Variants in SMAD4 observed in about 807,000 individuals in gnomAD.
SMAD4 encodes MAD homolog 4.
SMAD4 carries 7 observed loss-of-function variants against 63.2 expected under a neutral mutation model. That is an observed-to-expected ratio of 0.11 (90% CI 0.06 to 0.21). The LOEUF (loss-of-function observed/expected upper bound fraction) is 0.21. Among genes scored for constraint, SMAD4 ranks in the 10% least tolerant of loss-of-function variants. SMAD4 has a pLI of 1.00. For synonymous variants in SMAD4, 215 were observed against 235.4 expected, an observed-to-expected ratio of 0.91 and a Z score of 0.79; for missense variants, 312 against 693.8, an observed-to-expected ratio of 0.45 and a Z score of 6.18.
chr18:51,072,296 G>C (rs1443608713), intron 10 of SMAD4, among the ~76,000 whole-genome samples: 1 of 152,060 alleles, frequency 6.6e-6, no homozygotes, highest in Non-Finnish European at 1.5e-5. Flanking sequence ...TAGTAGGTGT[G>C]AAGTATAATC....
intron 1 of SMAD4, among the ~76,000 whole-genome samples, chr18:51,036,482 A>G (rs78801230): frequency 6.6e-6 from 1 of 152,226 alleles, no homozygotes; most frequent in South Asian, 2.1e-4. Flanking sequence ...AAGCTAAGCC[A>G]GGAATCATTG....
chr18:51,063,358 T>A (rs1184516656), intron 8 of SMAD4, among the ~76,000 whole-genome samples: 1 of 152,120 alleles, frequency 6.6e-6, no homozygotes, highest in African/African-American at 2.4e-5. Context: ...TGAAGCTTCT[T>A]GTCCATAGCA....
rs386387676 is a variant in SMAD4, at chr18:51,058,485, A to ATTTT, written c.904+42_904+45dup. The ATTTT allele has an allele frequency of 1.3e-3, 1,474 of 1,093,424 alleles. 4 individuals carry two copies. The highest frequency in any genetic ancestry group is 2.6e-3 in the South Asian group (186 of 71,130). 67.7% of individuals were successfully genotyped at this position (1,093,424 alleles called of 1,614,324 possible). ...AGCTCTTGTTTTTGTTGTAAGGGCT[A>ATTTT]TTTTTTTTTTTTTTTTGGTAGGGCT... On this transcript the variant is annotated intron_variant, in intron 7 of 11. Coordinates refer to ENST00000342988, the MANE Select transcript of SMAD4 (RefSeq NM_005359.6).
intron 7 of SMAD4, among the ~76,000 whole-genome samples, chr18:51,058,663 C>A (rs1909912500): frequency 6.6e-6 from 1 of 152,070 alleles, no homozygotes; most frequent in African/African-American, 2.4e-5. Context: ...TTGCTAAATA[C>A]ATTTATTTCT....
At position 51,084,107 on chromosome 18, in the gene SMAD4, C is replaced by T. The variant is rs536422982; in HGVS notation, c.*5640C>T. The T allele has an allele frequency of 4.3e-4, 100 of 232,138 alleles. No homozygotes were observed. Among genetic ancestry groups the T allele is most frequent in the African/African-American group, 2.1e-3 (93 of 45,298 alleles). 14.4% of individuals were successfully genotyped at this position (232,138 alleles called of 1,614,324 possible). ...CTTTTGAATTGCGTGCACACACACACGCACGCACACACTCTGGTCAGAGTT... is the reference window on the plus strand; with the variant it reads ...CTTTTGAATTGCGTGCACACACACATGCACGCACACACTCTGGTCAGAGTT... On this transcript the variant is annotated 3_prime_UTR_variant, in exon 12 of 12. Transcript: ENST00000342988.
rs1044193883 is a variant in SMAD4 at position 51,079,858 on chromosome 18, T to C, written c.*1391T>C. The C allele has an allele frequency of 1.3e-5, 3 of 232,556 alleles. No homozygotes were observed. The highest frequency in any genetic ancestry group is 6.6e-5 in the African/African-American group (3 of 45,328). The allele number at this position is 232,556 out of a possible 1,614,324, so 14.4% of individuals were successfully genotyped here. ...AGTCCAATCTCAGTGATGAGGTACC[T>C]TCTACTAAATGACAGGCAACAGCCA... On this transcript the variant is annotated 3_prime_UTR_variant, in exon 12 of 12. Transcript: ENST00000342988.
intron 4 of SMAD4, chr18:51,053,073 A>G (rs944721680): frequency 6.6e-6 from 1 of 152,280 alleles, no homozygotes; most frequent in African/African-American, 2.4e-5. Flanking sequence ...TATTTAGGGC[A>G]AGAAAGATTT....
intron 3 of SMAD4, 95 bp downstream of exon 3, chr18:51,048,955 T>C (rs1227009058): frequency 9.2e-7 from 1 of 1,092,856 alleles, no homozygotes; most frequent in Non-Finnish European, 1.4e-6. Flanking sequence ...ATTTGGAAGA[T>C]AGCCCGCGAC....
At position 51,082,190 on chromosome 18, in the gene SMAD4, G is replaced by A. The variant is rs1314255878; in HGVS notation, c.*3723G>A. On this transcript the variant is annotated 3_prime_UTR_variant, in exon 12 of 12. Transcript: ENST00000342988. ...AAGCCAGTTAACAATTATTTTGTAGGTGGGGTACACTCAGCTTAAAGTAAT... is the reference window on the plus strand; with the variant it reads ...AAGCCAGTTAACAATTATTTTGTAGATGGGGTACACTCAGCTTAAAGTAAT... The A allele has an allele frequency of 3.5e-5, 8 of 230,054 alleles. No individual in the cohort carries two copies. The East Asian group carries it at 4.4e-4, about 13-fold the overall frequency. The allele number at this position is 230,054 out of a possible 1,614,324, so 14.3% of individuals were successfully genotyped here.
rs1006483392 is a variant in SMAD4 at position 51,079,782 on chromosome 18, G to A, written c.*1315G>A. On this transcript the variant is annotated 3_prime_UTR_variant, in exon 12 of 12. Transcript: ENST00000342988. ...ATAAAACTGAATCTCAACATACAAA[G>A]TTGAATTCTAGGTTTGATTTTTAAG... 4.3e-6 allele frequency: 1 copy of A among 232,796 alleles called. No homozygotes were observed. The highest frequency in any genetic ancestry group is 8.5e-6 in the Non-Finnish European group (1 of 117,720). The allele number at this position is 232,796 out of a possible 1,614,324, so 14.4% of individuals were successfully genotyped here.
intron 1 of SMAD4, among the ~76,000 whole-genome samples, chr18:51,041,727 G>T (rs905693009): frequency 6.6e-6 from 1 of 152,212 alleles, no homozygotes; most frequent in Non-Finnish European, 1.5e-5. Flanking sequence ...AAGGACATAT[G>T]TAGAAATGGA....
chr18:51,084,010 G>GCA lies in SMAD4; in HGVS notation c.*5544_*5545insAC, dbSNP rs1288240994. The GCA allele has an allele frequency of 1.6e-3, 98 of 60,644 alleles. No individual in the cohort carries two copies. The East Asian group carries it at 0.019, about 11-fold the overall frequency. 3.8% of individuals were successfully genotyped at this position (60,644 alleles called of 1,614,324 possible). A position where few individuals can be genotyped will look rare whatever the true frequency, so the allele number is the denominator to read the frequency against. On this transcript the variant is annotated 3_prime_UTR_variant, in exon 12 of 12. Transcript: ENST00000342988. Reference sequence around the variant, plus strand: ...ACTTAACGCGCGTGCGCACGCGCGCGCGCACACACACACACACACACACAC... The same window carrying GCA: ...ACTTAACGCGCGTGCGCACGCGCGCGCACGCACACACACACACACACACACAC...
intron 10 of SMAD4, among the ~76,000 whole-genome samples, chr18:51,067,851 A>G (rs1187639661): frequency 6.6e-6 from 1 of 152,246 alleles, no homozygotes; most frequent in Non-Finnish European, 1.5e-5. Context: ...TTTATGGAAG[A>G]GAATTCTAAA....
chr18:51,037,621 T>G (rs576737644), intron 1 of SMAD4, among the ~76,000 whole-genome samples: 3 of 152,244 alleles, frequency 2.0e-5, no homozygotes, highest in Non-Finnish European at 4.4e-5. Flanking sequence ...AATAGTGTGA[T>G]TAAATGGGAA....
At chr18:51,065,237 TAGA>T (rs943768247) in intron 8 of SMAD4, among the ~76,000 whole-genome samples, 183 bp from the exon 9 acceptor site, 1 of 152,114 alleles carries the variant, frequency 6.6e-6, no homozygotes, top group African/African-American at 2.4e-5. Context: ...AGCTAGAAAA[TAGA>T]AGACATGGAA....
chr18:51,048,627 A>G, intron 2 of SMAD4, 59 bp from the exon 3 acceptor site: 1 of 1,432,304 alleles, frequency 7.0e-7, no homozygotes, highest in South Asian at 1.2e-5. Flanking sequence ...TTAAATCAGA[A>G]TATATAAAAG....
intron 5 of SMAD4, 113 bp downstream of exon 5, chr18:51,055,106 A>G (rs1478464619): frequency 3.7e-6 from 3 of 804,608 alleles, no homozygotes; most frequent in East Asian, 5.0e-5. Context: ...AAGTAACTGT[A>G]GTATCTTTCA....
At chr18:51,076,135 G>T (rs936592849) in intron 10 of SMAD4, among the ~76,000 whole-genome samples, 22 of 152,186 alleles carry the variant, frequency 1.4e-4, no homozygotes, top group African/African-American at 4.6e-4. Flanking sequence ...ATATTATTTT[G>T]CTTCTATTTG....
chr18:51,048,641 CT>C (rs1379663251), intron 2 of SMAD4, 44 bp from the exon 3 acceptor site: 6 of 1,537,862 alleles, frequency 3.9e-6, no homozygotes, highest in Non-Finnish European at 5.4e-6. Context: ...ATAAAAGTGT[CT>C]TGCATAATGT....
Sources: gnomAD v4.1 joint callset for allele counts (sites outside exome capture counted in the v4.1 genomes callset) on GRCh38, gnomAD v4.1.1 for gene constraint, MANE v1.5 for transcripts, NCBI Gene and HGNC (gene_info 2026-07-23, HGNC 2026-07-21) for gene names.